The following RNF217 variants were observed in gnomAD, a reference collection of about 807,000 sequenced individuals.
RNF217 encodes ring finger protein 217.
A neutral mutation model predicts 57.8 loss-of-function variants in RNF217; 31 were observed. That is an observed-to-expected ratio of 0.54 (90% CI 0.40 to 0.72). The LOEUF is 0.72. Ranked by LOEUF, RNF217 falls within the 30% of genes least tolerant of loss-of-function variation. RNF217 has a pLI of 0.00. For synonymous variants in RNF217, 313 were observed against 294.0 expected, an observed-to-expected ratio of 1.06 and a Z score of -0.66; for missense variants, 696 against 708.3, an observed-to-expected ratio of 0.98 and a Z score of 0.20.
chr6:124,977,058 A>G (rs1022739934), intron 1 of RNF217, among the ~76,000 whole-genome samples: 4 of 152,220 alleles, frequency 2.6e-5, no homozygotes, highest in African/African-American at 9.6e-5. Flanking sequence ...TAAAATCACT[A>G]GTATATCTAC....
chr6:125,037,588 G>GT (rs1240633978), intron 1 of RNF217, among the ~76,000 whole-genome samples: 2 of 152,094 alleles, frequency 1.3e-5, no homozygotes, highest in Non-Finnish European at 2.9e-5. Context: ...ACAAAAAACC[G>GT]TATGTGTCAG....
rs866226227 is a variant in RNF217, at chr6:124,962,775, C to T, written c.231C>T (p.Gly77=). ...PEPARSLGPP[G]WSKSRAPAQP... ...CCGCGAGGAGCCTGGGGCCCCCGGG[C>T]TGGAGTAAGAGCCGAGCACCGGCGC... Residue 77 remains glycine, a synonymous_variant, in exon 1 of 6, where the codon GGC becomes GGT. Transcript: ENST00000521654. The surrounding 1 kb of genome is among the most constrained non-coding windows in gnomAD (Gnocchi z 4.6). The T allele has an allele frequency of 2.5e-6, 4 of 1,595,788 alleles. No homozygotes were observed. Among genetic ancestry groups the T allele is most frequent in the South Asian group, 1.1e-5 (1 of 90,882 alleles).
At chr6:125,050,694 G>C (rs1787280499) in intron 2 of RNF217, among the ~76,000 whole-genome samples, 1 of 151,642 alleles carries the variant, frequency 6.6e-6, no homozygotes, top group African/African-American at 2.4e-5. Context: ...CGTGTAATGA[G>C]TATGCTGCTT....
At chr6:125,055,572 A>C (rs1428517742) in intron 2 of RNF217, among the ~76,000 whole-genome samples, 1 of 152,182 alleles carries the variant, frequency 6.6e-6, no homozygotes, top group Non-Finnish European at 1.5e-5. Context: ...CATTCATTCT[A>C]ATATTTCATA....
chr6:124,971,281 C>G (rs1009553788), intron 1 of RNF217: 8 of 154,172 alleles, frequency 5.2e-5, no homozygotes, highest in Non-Finnish European at 8.7e-5. Context: ...CACAAGTCTT[C>G]CAATCCAAGA....
At chr6:125,075,884 G>T (rs1788347047) in intron 3 of RNF217, among the ~76,000 whole-genome samples, 2 of 151,882 alleles carry the variant, frequency 1.3e-5, no homozygotes, top group Admixed American at 1.3e-4. Flanking sequence ...ACTGCTTGAG[G>T]CGGTGACTAC....
At chr6:125,063,311 T>C (rs1214276167) in intron 3 of RNF217, among the ~76,000 whole-genome samples, 2 of 152,194 alleles carry the variant, frequency 1.3e-5, no homozygotes, top group East Asian at 3.8e-4. Flanking sequence ...ATGAGCACTG[T>C]CACACATACA....
intron 2 of RNF217, chr6:125,046,785 G>A: frequency 3.2e-5 from 12 of 380,928 alleles, no homozygotes; most frequent in South Asian, 2.4e-4. Context: ...CTACAGTATT[G>A]TAGGTTAGTC....
chr6:125,059,430 A>G (rs1486060545), intron 3 of RNF217, among the ~76,000 whole-genome samples: 1 of 152,150 alleles, frequency 6.6e-6, no homozygotes, highest in African/African-American at 2.4e-5. Flanking sequence ...AGTTTATTCA[A>G]AGCTACTGCT....
chr6:125,081,467 G>C lies in RNF217; in HGVS notation c.1515G>C (p.Met505Ile). 1 of 1,611,462 alleles carries C rather than the reference G, an allele frequency of 6.2e-7. No individual in the cohort carries two copies. The highest frequency in any genetic ancestry group is 8.5e-7 in the Non-Finnish European group (1 of 1,178,374). The change falls in exon 5 of 6, where the codon ATG becomes ATC. Residue 505 changes from methionine to isoleucine, a missense_variant. Transcript: ENST00000521654. ...AGKLFIAPLI[M>I]VLGLALGAIA... ...AATTATTCATTGCACCTCTAATTAT[G>C]GTTTTGGGATTGGCACTAGGGGCCA...
intron 3 of RNF217, among the ~76,000 whole-genome samples, chr6:125,060,904 CT>C (rs542158107): frequency 2.8e-4 from 42 of 152,074 alleles, no homozygotes; most frequent in Admixed American, 8.5e-4. Flanking sequence ...ATTTAAATGG[CT>C]TTTTAAAAAG....
At chr6:125,001,751 C>A (rs1160317281) in intron 1 of RNF217, among the ~76,000 whole-genome samples, 1 of 152,206 alleles carries the variant, frequency 6.6e-6, no homozygotes, top group Admixed American at 6.5e-5. Flanking sequence ...ATCCTTCATG[C>A]ATCACTGCAT....
chr6:125,038,418 A>G (rs1046565070), intron 1 of RNF217, among the ~76,000 whole-genome samples: 1 of 152,286 alleles, frequency 6.6e-6, no homozygotes, highest in African/African-American at 2.4e-5. Context: ...TTAGCCCCAT[A>G]CTGAAATATT....
intron 1 of RNF217, among the ~76,000 whole-genome samples, chr6:124,964,040 A>G (rs1389857017): frequency 6.6e-6 from 1 of 152,246 alleles, no homozygotes; most frequent in African/African-American, 2.4e-5. Context: ...AGCAAAACAA[A>G]GCAAAGAGAG....
chr6:124,967,102 T>C (rs1209575159), intron 1 of RNF217, among the ~76,000 whole-genome samples: 1 of 152,136 alleles, frequency 6.6e-6, no homozygotes, highest in African/African-American at 2.4e-5. Flanking sequence ...AAGGCAGAGA[T>C]AGTTATATTA....
In RNF217 at chr6:125,045,282, T is replaced by A. The variant is rs368494115; in HGVS notation, c.954T>A (p.Val318=). The A allele has an allele frequency of 1.4e-5, 22 of 1,613,284 alleles. No individual in the cohort carries two copies. Among genetic ancestry groups the A allele is most frequent in the Non-Finnish European group, 1.9e-5 (22 of 1,179,606 alleles). The change falls in exon 2 of 6, where the codon GTT becomes GTA. Residue 318 remains valine, a synonymous_variant. Coordinates refer to ENST00000521654, the MANE Select transcript of RNF217 (RefSeq NM_001286398.3). The stretch of plus-strand genomic sequence containing the variant: ...TTGAATTCTTGGAAGAAACAACTGT[T>A]GTCTATAACTTAACGCATGAAGACT... ...ECFEFLEETT[V]VYNLTHEDSI...
At chr6:125,060,596 C>G (rs73580024) in intron 3 of RNF217, among the ~76,000 whole-genome samples, 1 of 151,974 alleles carries the variant, frequency 6.6e-6, no homozygotes, top group Non-Finnish European at 1.5e-5. Flanking sequence ...AGGCATGAGC[C>G]ACCATGCCTG....
At chr6:125,061,548 T>G (rs1209115715) in intron 3 of RNF217, among the ~76,000 whole-genome samples, 4 of 151,780 alleles carry the variant, frequency 2.6e-5, no homozygotes, top group Non-Finnish European at 5.9e-5. Context: ...ATTTAGATAT[T>G]TAAACTCCAC....
At chr6:124,973,926 A>C (rs1486922957) in intron 1 of RNF217, among the ~76,000 whole-genome samples, 1 of 152,216 alleles carries the variant, frequency 6.6e-6, no homozygotes, top group East Asian at 1.9e-4. Context: ...GGTTGTAGTC[A>C]GATGTCAGGT....
Sources: allele counts gnomAD v4.1 joint callset (sites outside exome capture counted in the v4.1 genomes callset), GRCh38; gene constraint gnomAD v4.1.1; non-coding constraint Gnocchi (gnomAD v3.1); transcripts MANE v1.5; gene names NCBI Gene and HGNC (gene_info 2026-07-23, HGNC 2026-07-21).